Variants in CSMD1 observed in about 807,000 individuals in gnomAD.
The protein encoded by CSMD1 is CUB and Sushi multiple domains 1.
In CSMD1, 213 loss-of-function variants were observed where a neutral mutation model predicts 417.5. That is an observed-to-expected ratio of 0.51 (90% CI 0.46 to 0.57). The LOEUF is 0.57. Ranked by LOEUF, CSMD1 falls within the 20% of genes least tolerant of loss-of-function variation. CSMD1 has a pLI of 0.00. For missense variants in CSMD1, 6,923 were observed against 4,529.7 expected, an observed-to-expected ratio of 1.53 and a Z score of -15.17; for synonymous variants, 2,862 against 1,736.8, an observed-to-expected ratio of 1.65 and a Z score of -16.11.
At chr8:3,017,288 G>C (rs1034006379) in intron 52 of CSMD1, among the ~76,000 whole-genome samples, 1 of 152,208 alleles carries the variant, frequency 6.6e-6, no homozygotes. Flanking sequence ...GCCTAAAGGA[G>C]AGTGCTGTTC....
At chr8:4,134,608 T>C (rs1487965200) in intron 3 of CSMD1, among the ~76,000 whole-genome samples, 2 of 152,184 alleles carry the variant, frequency 1.3e-5, no homozygotes, top group African/African-American at 2.4e-5. Flanking sequence ...CAAACACACC[T>C]ACACACGTGC....
rs1332784080 is a variant in CSMD1, at chr8:4,264,475, C to G, written c.415+155478G>C. Among the ~76,000 whole-genome samples, 3 of 152,130 alleles carry G rather than the reference C, an allele frequency of 2.0e-5. No homozygotes were observed. The East Asian group carries it at 5.8e-4, about 29-fold the overall frequency. The stretch of plus-strand genomic sequence containing the variant: ...ACACAAATTTGCAGATCACAATTCT[C>G]TCATCGTTCTAGTTTACAAGCTAAT... On this transcript the variant is annotated intron_variant, in intron 3 of 69. Transcript: ENST00000635120.
intron 3 of CSMD1, among the ~76,000 whole-genome samples, chr8:4,148,755 C>A (rs1045964282): frequency 6.6e-6 from 1 of 152,102 alleles, no homozygotes; most frequent in African/African-American, 2.4e-5. Context: ...GGCTCCACAT[C>A]CTAATGCCAT....
At chr8:3,664,138 C>A (rs897082161) in intron 7 of CSMD1, among the ~76,000 whole-genome samples, 2 of 152,052 alleles carry the variant, frequency 1.3e-5, no homozygotes, top group South Asian at 2.1e-4. Context: ...CCCATTGACT[C>A]GTCATTTAAC....
At chr8:4,846,210 T>A (rs969590442) in intron 1 of CSMD1, among the ~76,000 whole-genome samples, 1 of 152,208 alleles carries the variant, frequency 6.6e-6, no homozygotes, top group Non-Finnish European at 1.5e-5. Context: ...AGGATCTTTT[T>A]TTTCTTTTTG....
chr8:4,264,540 G>T (rs9693238), intron 3 of CSMD1, among the ~76,000 whole-genome samples: 13,998 of 152,114 alleles, frequency 0.092, 842 homozygotes, highest in East Asian at 0.15. Flanking sequence ...GTTACTTAAA[G>T]CCCTGTTTTT....
chr8:3,864,854 G>A (rs1312292278), intron 5 of CSMD1, among the ~76,000 whole-genome samples: 1 of 152,162 alleles, frequency 6.6e-6, no homozygotes, highest in African/African-American at 2.4e-5. Context: ...TCCTAGTTTT[G>A]GCCAGACTAG....
intron 16 of CSMD1, among the ~76,000 whole-genome samples, chr8:3,399,179 T>G (rs1477868733): frequency 6.6e-6 from 1 of 152,168 alleles, no homozygotes; most frequent in Non-Finnish European, 1.5e-5. Context: ...GCAGTTCCCC[T>G]ACTAACCTCC....
chr8:4,075,031 C>A (rs1334098364), intron 3 of CSMD1, among the ~76,000 whole-genome samples: 2 of 152,060 alleles, frequency 1.3e-5, no homozygotes, highest in South Asian at 2.1e-4. Context: ...ACTGTAATAA[C>A]CCCAGTATGA....
At chr8:4,386,033 C>G (rs1160585991) in intron 3 of CSMD1, among the ~76,000 whole-genome samples, 3 of 152,130 alleles carry the variant, frequency 2.0e-5, no homozygotes, top group Non-Finnish European at 4.4e-5. Flanking sequence ...ACTACGATTT[C>G]TCCAGTCTGT....
At chr8:4,920,155 T>G (rs888123310) in intron 1 of CSMD1, among the ~76,000 whole-genome samples, 7 of 152,296 alleles carry the variant, frequency 4.6e-5, no homozygotes, top group Admixed American at 3.3e-4. Flanking sequence ...ATATAATATT[T>G]GTAATGTTGA....
intron 22 of CSMD1, among the ~76,000 whole-genome samples, chr8:3,347,159 C>T (rs1003267330): frequency 4.6e-5 from 7 of 152,194 alleles, no homozygotes; most frequent in African/African-American, 1.7e-4. Context: ...TGTGCTGGGC[C>T]GCATGTGGCC....
intron 26 of CSMD1, among the ~76,000 whole-genome samples, chr8:3,250,887 C>T (rs1204285773): frequency 3.9e-5 from 6 of 152,140 alleles, no homozygotes; most frequent in Admixed American, 3.3e-4. Context: ...GTTCATACCC[C>T]TCACCCACTT....
At chr8:3,047,418 G>T (rs1207676450) in intron 50 of CSMD1, among the ~76,000 whole-genome samples, 1 of 152,006 alleles carries the variant, frequency 6.6e-6, no homozygotes, top group Non-Finnish European at 1.5e-5. Context: ...GGCTCTAAGG[G>T]CAGGAGATAT....
In CSMD1 at chr8:4,326,159, G is replaced by A. The variant is rs144949185; in HGVS notation, c.415+93794C>T. Reference sequence around the variant, plus strand: ...AAATATTCAGTTTAGAGTTGTGCCAGAGAATTTGGCTTTCTAACAAGCTCC... The same window carrying A: ...AAATATTCAGTTTAGAGTTGTGCCAAAGAATTTGGCTTTCTAACAAGCTCC... On this transcript the variant is annotated intron_variant, in intron 3 of 69. Transcript: ENST00000635120. Among the ~76,000 whole-genome samples, 1,071 of 152,280 alleles carry A rather than the reference G, an allele frequency of 7.0e-3. 7 individuals carry two copies. The highest frequency in any genetic ancestry group is 0.025 in the African/African-American group (1,038 of 41,568).
intron 3 of CSMD1, among the ~76,000 whole-genome samples, chr8:4,086,905 G>T (rs1800450847): frequency 1.3e-5 from 2 of 152,212 alleles, no homozygotes; most frequent in African/African-American, 4.8e-5. Context: ...CAACAATCAG[G>T]CAAGGGTTGA....
chr8:4,544,041 C>T (rs1277962672), intron 2 of CSMD1, among the ~76,000 whole-genome samples: 2 of 152,112 alleles, frequency 1.3e-5, no homozygotes, highest in African/African-American at 4.8e-5. Context: ...TATCAGAAAT[C>T]CGTTTTTGCA....
chr8:4,247,221 A>T (rs943970193), intron 3 of CSMD1, among the ~76,000 whole-genome samples: 13 of 152,214 alleles, frequency 8.5e-5, no homozygotes, highest in Non-Finnish European at 1.5e-4. Flanking sequence ...TTCCTGGAAC[A>T]GCGAGAAAGG....
At chr8:4,868,266 C>G (rs528911063) in intron 1 of CSMD1, among the ~76,000 whole-genome samples, 2 of 152,076 alleles carry the variant, frequency 1.3e-5, no homozygotes, top group Non-Finnish European at 2.9e-5. Flanking sequence ...CAGAGTTTCA[C>G]ACTTTCACCC....
Sources: gnomAD v4.1 joint callset for allele counts (sites outside exome capture counted in the v4.1 genomes callset) on GRCh38, gnomAD v4.1.1 for gene constraint, MANE v1.5 for transcripts, NCBI Gene and HGNC (gene_info 2026-07-23, HGNC 2026-07-21) for gene names.